The following LPP variants were observed in gnomAD, a reference collection of about 807,000 sequenced individuals.
The protein encoded by LPP is lipoma-preferred partner.
Under a neutral mutation model 60.4 loss-of-function variants are expected in LPP, and 38 were observed. The observed-to-expected ratio is 0.63, with a 90% CI of 0.49 to 0.83. LPP has a LOEUF of 0.83. LPP is among the 40% of genes least tolerant of loss of function. LPP has a pLI of 0.00. For missense variants in LPP, 902 were observed against 783.6 expected, an observed-to-expected ratio of 1.15 and a Z score of -1.80; for synonymous variants, 328 against 290.8, an observed-to-expected ratio of 1.13 and a Z score of -1.30.
chr3:188,207,693 A>G (rs1006273708), intron 1 of LPP, among the ~76,000 whole-genome samples: 5 of 150,740 alleles, frequency 3.3e-5, no homozygotes, highest in Non-Finnish European at 7.4e-5. Flanking sequence ...CCTGGGCTCA[A>G]GTAATACTGC....
chr3:188,648,323 A>G (rs1181305093), intron 7 of LPP, among the ~76,000 whole-genome samples: 2 of 152,132 alleles, frequency 1.3e-5, no homozygotes, highest in Admixed American at 6.6e-5. Flanking sequence ...CTCCCACTCC[A>G]TAGATGAAGA....
intron 9 of LPP, among the ~76,000 whole-genome samples, chr3:188,848,105 A>G (rs372342496): frequency 6.6e-6 from 1 of 152,330 alleles, no homozygotes; most frequent in East Asian, 1.9e-4. Flanking sequence ...TATATATCAC[A>G]AACTGTTATT....
chr3:188,582,401 G>C (rs1340939022), intron 6 of LPP, among the ~76,000 whole-genome samples: 1 of 150,946 alleles, frequency 6.6e-6, no homozygotes, highest in African/African-American at 2.4e-5. Flanking sequence ...GTCTTGTCTC[G>C]AACTCCTGAC....
intron 2 of LPP, among the ~76,000 whole-genome samples, chr3:188,268,199 T>C (rs954487779): frequency 2.0e-5 from 3 of 151,994 alleles, no homozygotes; most frequent in Non-Finnish European, 4.4e-5. Context: ...GCAAGGCAAT[T>C]TCTAAAGAGC....
chr3:188,531,565 C>G (rs1822183425), intron 6 of LPP, among the ~76,000 whole-genome samples: 1 of 152,160 alleles, frequency 6.6e-6, no homozygotes, highest in African/African-American at 2.4e-5. Context: ...AATAACAAAT[C>G]ATGCCTATGT....
rs565695904 is a variant in LPP, at chr3:188,188,652, C to T, written c.-190+34400C>T. Reference sequence around the variant, plus strand: ...TACAAGATCTACAACTGCTTCTACACGTGGTATATAAGGAAGGGTTTGAGG... The same window carrying T: ...TACAAGATCTACAACTGCTTCTACATGTGGTATATAAGGAAGGGTTTGAGG... On this transcript the variant is annotated intron_variant, in intron 1 of 11. Transcript: ENST00000617246. Among the ~76,000 whole-genome samples the T allele has an allele frequency of 5.9e-5, 9 of 152,074 alleles. No homozygotes were observed. The South Asian group carries it at 1.7e-3, about 28-fold the overall frequency.
At position 188,311,309 on chromosome 3, in the gene LPP, C is replaced by CA. The variant is rs544747935; in HGVS notation, c.-66-30347dup. On this transcript the variant is annotated intron_variant, in intron 2 of 11. Coordinates refer to ENST00000617246, the MANE Select transcript of LPP (RefSeq NM_001375462.1). ...GCAACATAGTGAGACCCCATTTCTA[C>CA]AAAAAAATGAAATAAAACAATTAGT... Among the ~76,000 whole-genome samples the CA allele has an allele frequency of 8.1e-4, 123 of 151,858 alleles. 1 individual carries two copies. The highest frequency in any genetic ancestry group is 1.5e-3 in the Non-Finnish European group (99 of 67,958).
At chr3:188,203,142 TTA>T (rs1731562485) in intron 1 of LPP, among the ~76,000 whole-genome samples, 2 of 138,632 alleles carry the variant, frequency 1.4e-5, no homozygotes, top group African/African-American at 5.3e-5. Flanking sequence ...TATATTATAA[TTA>T]TATATAATTA....
intron 8 of LPP, 50 bp from the exon 9 acceptor site, chr3:188,760,063 A>ATCC: frequency 1.9e-6 from 3 of 1,577,332 alleles, no homozygotes; most frequent in Non-Finnish European, 2.6e-6. Context: ...TGGCTTTAGC[A>ATCC]GGACTGAAGT....
At chr3:188,468,215 C>T (rs963897157) in intron 4 of LPP, among the ~76,000 whole-genome samples, 3 of 152,094 alleles carry the variant, frequency 2.0e-5, no homozygotes, top group Non-Finnish European at 1.5e-5. Flanking sequence ...GTCTGTTTAA[C>T]CCTACTAAAT....
rs922226017 is a variant in LPP, at chr3:188,737,484, T to A, written c.1241-22629T>A. ...CCGTGGATGAATTTTAGAACTCCGC[T>A]CCATTGATCACCCTTTTTTGTTGTT... On this transcript the variant is annotated intron_variant, in intron 8 of 11. Coordinates refer to ENST00000617246, the MANE Select transcript of LPP (RefSeq NM_001375462.1). Among the ~76,000 whole-genome samples the A allele has an allele frequency of 5.9e-5, 9 of 152,204 alleles. 1 individual carries two copies. The highest frequency in any genetic ancestry group is 2.2e-4 in the African/African-American group (9 of 41,454).
At position 188,888,818 on chromosome 3, in the gene LPP, A is replaced by T. The variant is rs1256048196; in HGVS notation, c.*14339A>T. 4.5e-6 allele frequency: 1 copy of T among 221,398 alleles called. No homozygotes were observed. Among genetic ancestry groups the T allele is most frequent in the Non-Finnish European group, 9.1e-6 (1 of 110,452 alleles). The allele number at this position is 221,398 out of a possible 1,614,324, so 13.7% of individuals were successfully genotyped here. On this transcript the variant is annotated 3_prime_UTR_variant, in exon 12 of 12. Coordinates refer to ENST00000617246, the MANE Select transcript of LPP (RefSeq NM_001375462.1). ...AGCGGCTACCGTGAAACGGGCTGCA[A>T]ACACATTCCCTGAGCATCCCTTGCT...
chr3:188,606,386 C>T (rs1229544313), intron 6 of LPP, among the ~76,000 whole-genome samples: 1 of 152,086 alleles, frequency 6.6e-6, no homozygotes, highest in Non-Finnish European at 1.5e-5. Context: ...TCCTAGGGAT[C>T]TCATAGTTCC....
intron 7 of LPP, among the ~76,000 whole-genome samples, chr3:188,665,569 C>T (rs1439458033): frequency 2.0e-5 from 3 of 151,302 alleles, no homozygotes; most frequent in South Asian, 2.1e-4. Context: ...AAGCGATTCT[C>T]CTGCCTCAGC....
intron 1 of LPP, among the ~76,000 whole-genome samples, chr3:188,189,299 G>A (rs1204560499): frequency 1.3e-5 from 2 of 152,066 alleles, no homozygotes; most frequent in African/African-American, 4.8e-5. Context: ...TGTTTCCCAG[G>A]CTGGTCTCAA....
chr3:188,653,884 A>G (rs6444312), intron 7 of LPP, among the ~76,000 whole-genome samples: 5,628 of 152,288 alleles, frequency 0.037, 353 homozygotes, highest in African/African-American at 0.13. Context: ...TGGTTGTGCC[A>G]TCGTATCTGT....
intron 3 of LPP, among the ~76,000 whole-genome samples, chr3:188,356,616 G>A (rs536211033): frequency 6.6e-6 from 1 of 152,288 alleles, no homozygotes; most frequent in Non-Finnish European, 1.5e-5. Flanking sequence ...TAGAGTCAGT[G>A]GCTTATTTCC....
chr3:188,707,270 A>T (rs911007001), intron 7 of LPP, among the ~76,000 whole-genome samples: 7 of 152,086 alleles, frequency 4.6e-5, no homozygotes, highest in Non-Finnish European at 1.0e-4. Context: ...CAAGCAGTGT[A>T]CACTGTACCC....
chr3:188,318,628 A>G (rs925979034), intron 2 of LPP, among the ~76,000 whole-genome samples: 1 of 151,978 alleles, frequency 6.6e-6, no homozygotes, highest in Non-Finnish European at 1.5e-5. Context: ...CTACTTATAT[A>G]TGGAGAACAC....
Sources: gnomAD v4.1 joint callset for allele counts (sites outside exome capture counted in the v4.1 genomes callset) on GRCh38, gnomAD v4.1.1 for gene constraint, MANE v1.5 for transcripts, NCBI Gene and HGNC (gene_info 2026-07-23, HGNC 2026-07-21) for gene names.